SYT11: variants seen among roughly 807,000 people sequenced by gnomAD.
SYT11 encodes synaptotagmin-11.
Under a neutral mutation model 30.4 loss-of-function variants are expected in SYT11, and 12 were observed. The observed-to-expected ratio is 0.39, with a 90% CI of 0.25 to 0.64. SYT11 has a LOEUF of 0.64. Among genes scored for constraint, SYT11 ranks in the 30% least tolerant of loss-of-function variants. The probability of loss-of-function intolerance (pLI) is 0.45; values close to 1 mark genes in which losing one functional copy is unlikely to be tolerated. For synonymous variants in SYT11, 204 were observed against 216.0 expected, an observed-to-expected ratio of 0.94 and a Z score of 0.49; for missense variants, 412 against 552.0, an observed-to-expected ratio of 0.75 and a Z score of 2.54.
At chr1:155,863,926 A>G (rs1672630565) in intron 1 of SYT11, among the ~76,000 whole-genome samples, 1 of 152,068 alleles carries the variant, frequency 6.6e-6, no homozygotes, top group Non-Finnish European at 1.5e-5. Flanking sequence ...TCAAAAAAAA[A>G]AAAAATTAAC....
At chr1:155,877,819 G>A (rs1094559) in intron 2 of SYT11, among the ~76,000 whole-genome samples, 124,916 of 151,928 alleles carry the variant, frequency 0.82, 53,696 homozygotes, top group East Asian at 0.94. Context: ...GCCTCCCAAA[G>A]TGCTAGGATT....
chr1:155,863,617 C>G (rs1182162039), intron 1 of SYT11, among the ~76,000 whole-genome samples: 1 of 151,960 alleles, frequency 6.6e-6, no homozygotes, highest in African/African-American at 2.4e-5. Flanking sequence ...GAAGACTCAT[C>G]TCTAAAAAAA....
chr1:155,880,701 C>A lies in SYT11; in HGVS notation c.985+78C>A. On this transcript the variant is annotated intron_variant, in intron 3 of 3. Coordinates refer to ENST00000368324, the MANE Select transcript of SYT11 (RefSeq NM_152280.5). Reference sequence around the variant, plus strand: ...TGCCTGTGGCCCAGATAGACCTCCACACTTCAAGATCCTTGCCTCTTTCAC... The same window carrying A: ...TGCCTGTGGCCCAGATAGACCTCCAAACTTCAAGATCCTTGCCTCTTTCAC... 9 of 1,545,744 alleles carry A rather than the reference C, an allele frequency of 5.8e-6. No individual in the cohort carries two copies. The Admixed American group carries it at 1.5e-4, about 26-fold the overall frequency.
At position 155,880,495 on chromosome 1, in the gene SYT11, C is replaced by T. The variant is rs1030034101; in HGVS notation, c.862-5C>T. On this transcript the variant is annotated splice_region_variant and splice_polypyrimidine_tract_variant and intron_variant, in intron 2 of 3. Coordinates refer to ENST00000368324, the MANE Select transcript of SYT11 (RefSeq NM_152280.5). The stretch of plus-strand genomic sequence containing the variant: ...GGATTCTCACCTGCCATTTTTTCCT[C>T]ACAGAAGTGCATCAGCAGAGGGGAG... 2.5e-6 allele frequency: 4 copies of T among 1,613,396 alleles called. No homozygotes were observed. In the African/African-American group the frequency reaches 5.3e-5, roughly 22 times the overall value.
At chr1:155,872,618 C>G (rs988607837) in intron 2 of SYT11, among the ~76,000 whole-genome samples, 1 of 152,172 alleles carries the variant, frequency 6.6e-6, no homozygotes, top group Admixed American at 6.5e-5. Context: ...TGCCTGCCCC[C>G]CAACAGGGCC....
Position 155,877,655 on chromosome 1 carries a change from G to A in SYT11, c.862-2845G>A, listed in dbSNP as rs977524357. 8.6e-5 allele frequency among the ~76,000 whole-genome samples: 13 copies of A among 150,922 alleles called. 1 individual carries two copies. Among genetic ancestry groups the A allele is most frequent in the African/African-American group, 3.2e-4 (13 of 40,962 alleles). On this transcript the variant is annotated intron_variant, in intron 2 of 3. Transcript: ENST00000368324. ...TGCAAGCTCCGCCTCCCGGGTTCAC[G>A]CCATTCTCCTGCCGCAGCCTCCCCA...
intron 2 of SYT11, among the ~76,000 whole-genome samples, chr1:155,876,476 G>C (rs1672863006): frequency 6.6e-6 from 1 of 151,636 alleles, no homozygotes; most frequent in Admixed American, 6.6e-5. Flanking sequence ...CCGATCTCCT[G>C]ACCTCGTGAT....
intron 1 of SYT11, among the ~76,000 whole-genome samples, chr1:155,864,789 C>G (rs1014454581): frequency 8.0e-5 from 12 of 149,816 alleles, no homozygotes; most frequent in African/African-American, 2.2e-4. Context: ...CAGCTCACTG[C>G]AGCCTCCGCC....
chr1:155,871,935 T>C (rs822517), intron 2 of SYT11, among the ~76,000 whole-genome samples: 147,575 of 152,256 alleles, frequency 0.97, 71,703 homozygotes, highest in East Asian at 1. Context: ...GTAGGATCTC[T>C]CCTTGGTGAA....
At chr1:155,880,307 T>G (rs1330285225) in intron 2 of SYT11, among the ~76,000 whole-genome samples, 193 bp from the exon 3 acceptor site, 1 of 152,236 alleles carries the variant, frequency 6.6e-6, no homozygotes, top group Non-Finnish European at 1.5e-5. Context: ...ATCAGAATTA[T>G]GGTTATAATG....
At chr1:155,880,278 T>G (rs571677680) in intron 2 of SYT11, among the ~76,000 whole-genome samples, 2 of 152,342 alleles carry the variant, frequency 1.3e-5, no homozygotes, top group South Asian at 4.1e-4. Flanking sequence ...ATGTGGGCTC[T>G]CCATGCAAAT....
intron 2 of SYT11, among the ~76,000 whole-genome samples, chr1:155,879,830 C>T (rs1406331136): frequency 6.6e-6 from 1 of 152,202 alleles, no homozygotes; most frequent in African/African-American, 2.4e-5. Context: ...TAGGTACAAC[C>T]TTTCACCCAC....
At chr1:155,863,955 C>G (rs1003762383) in intron 1 of SYT11, among the ~76,000 whole-genome samples, 12 of 152,098 alleles carry the variant, frequency 7.9e-5, no homozygotes, top group African/African-American at 2.9e-4. Flanking sequence ...ATGGCACATG[C>G]CTGTAGTCCT....
chr1:155,864,652 A>G (rs1445458269), intron 1 of SYT11, among the ~76,000 whole-genome samples: 1 of 151,494 alleles, frequency 6.6e-6, no homozygotes, highest in Non-Finnish European at 1.5e-5. Context: ...TAGGTTTTTG[A>G]GTCCAAATAG....
rs369297239 is a variant in SYT11, at chr1:155,881,218, G to A, written c.1006G>A (p.Val336Ile). The change falls in exon 4 of 4, where the codon GTC becomes ATC. Residue 336 changes from valine (V) to isoleucine (I), a missense_variant. Transcript: ENST00000368324. ...CCCAGATCCTTATGTCAAGGTGAAC[G>A]TCTACTACGGCAGAAAGCGCATTGC... The part of the protein sequence containing the change: ...LSGNPYVKVN[V>I]YYGRKRIAKK... 41 of 1,613,786 alleles carry A rather than the reference G, an allele frequency of 2.5e-5. No homozygotes were observed. The highest frequency in any genetic ancestry group is 5.0e-5 in the Admixed American group (3 of 59,962).
At chr1:155,867,486 C>A (rs1173980654) in intron 1 of SYT11, among the ~76,000 whole-genome samples, 2 of 152,196 alleles carry the variant, frequency 1.3e-5, no homozygotes, top group African/African-American at 2.4e-5. Flanking sequence ...CATCTAAACT[C>A]ATCTCCACAC....
At chr1:155,863,453 T>TA (rs1289575757) in intron 1 of SYT11, among the ~76,000 whole-genome samples, 2 of 151,776 alleles carry the variant, frequency 1.3e-5, no homozygotes, top group African/African-American at 4.8e-5. Context: ...ACCACGTCTC[T>TA]AAAAAAATAA....
At position 155,868,377 on chromosome 1, in the gene SYT11, A is replaced by G. The variant is rs762031232; in HGVS notation, c.447A>G (p.Pro149=). Residue 149 remains proline (P), a synonymous_variant, in exon 2 of 4, where the codon CCA becomes CCG. Transcript: ENST00000368324. The surrounding 1 kb of genome is among the most constrained non-coding windows in gnomAD (Gnocchi z 4.7). ...CTGGGGAGAGCAAAACCACCTCTCCATCATCTCCAGAGGAGGATGTCATGC... is the reference window on the plus strand; with the variant it reads ...CTGGGGAGAGCAAAACCACCTCTCCGTCATCTCCAGAGGAGGATGTCATGC... ...LTPGESKTTS[P]SSPEEDVMLG... is the part of the protein sequence containing the mutation. 5 of 1,614,044 alleles carry G rather than the reference A, an allele frequency of 3.1e-6. No individual in the cohort carries two copies. Among genetic ancestry groups the G allele is most frequent in the South Asian group, 1.1e-5 (1 of 91,066 alleles).
chr1:155,867,828 G>T, intron 1 of SYT11, 137 bp from the exon 2 acceptor site: 1 of 683,460 alleles, frequency 1.5e-6, no homozygotes. Flanking sequence ...GAAAAATTCT[G>T]AAGCCCAGAT....
Sources: gnomAD v4.1 joint callset for allele counts (sites outside exome capture counted in the v4.1 genomes callset) on GRCh38, gnomAD v4.1.1 for gene constraint, Gnocchi (gnomAD v3.1) non-coding constraint, MANE v1.5 for transcripts, NCBI Gene and HGNC (gene_info 2026-07-23, HGNC 2026-07-21) for gene names.